SETX: variants seen among roughly 807,000 people sequenced by gnomAD.
SETX encodes helicase senataxin.
A neutral mutation model predicts 227.2 loss-of-function variants in SETX; 90 were observed. The observed-to-expected ratio is 0.40, with a 90% CI of 0.33 to 0.47. SETX has a LOEUF of 0.47. Among genes scored for constraint, SETX ranks in the 20% least tolerant of loss-of-function variants. SETX has a pLI of 0.91. For synonymous variants in SETX, 1,210 were observed against 1,113.2 expected, an observed-to-expected ratio of 1.09 and a Z score of -1.73; for missense variants, 3,052 against 3,181.5, an observed-to-expected ratio of 0.96 and a Z score of 0.98.
Position 132,275,320 on chromosome 9 carries a change from T to C in SETX, c.7036A>G (p.Thr2346Ala). Reference sequence around the variant, plus strand: ...ATCGTCTTCTGGGCCTTGTAATGAGTTATTATGCCAATGTTTCGAAAACTA... The same window carrying C: ...ATCGTCTTCTGGGCCTTGTAATGAGCTATTATGCCAATGTTTCGAAAACTA... ...DVSFRNIGII[T>A]HYKAQKTMIQ... Residue 2346 changes from threonine to alanine, a missense_variant, in exon 23 of 26, where the codon ACT becomes GCT. This residue lies in a region of SETX where 412 missense variants were observed against 589.0 expected (regional missense o/e 0.70). Transcript: ENST00000224140. 6.2e-7 allele frequency: 1 copy of C among 1,614,054 alleles called. No homozygotes were observed. Among genetic ancestry groups the C allele is most frequent in the Non-Finnish European group, 8.5e-7 (1 of 1,179,930 alleles).
intron 4 of SETX, among the ~76,000 whole-genome samples, chr9:132,343,277 C>A (rs1848101344): frequency 6.6e-6 from 1 of 152,130 alleles, no homozygotes; most frequent in Non-Finnish European, 1.5e-5. Flanking sequence ...TGAGATCATG[C>A]CATTACACTC....
chr9:132,339,195 T>C (rs1847821498), intron 5 of SETX, among the ~76,000 whole-genome samples: 1 of 152,164 alleles, frequency 6.6e-6, no homozygotes, highest in African/African-American at 2.4e-5. Context: ...TATAAAACCC[T>C]TCCTCAGGCC....
chr9:132,274,730 G>A (rs117223324), intron 23 of SETX, among the ~76,000 whole-genome samples: 10,983 of 152,038 alleles, frequency 0.072, 778 homozygotes, highest in East Asian at 0.38. Flanking sequence ...ACAGGTGTGA[G>A]CCACCACACC....
At chr9:132,265,773 T>C (rs993287057) in intron 25 of SETX, among the ~76,000 whole-genome samples, 1 of 152,186 alleles carries the variant, frequency 6.6e-6, no homozygotes, top group Non-Finnish European at 1.5e-5. Flanking sequence ...GAGTACTGCC[T>C]ACACCTCTTG....
chr9:132,264,343 C>T lies in SETX; in HGVS notation c.7930G>A (p.Glu2644Lys). ...TGATGGGTCTCGGAACCACACTTCT[C>T]CTGCTCCCCTTCACTGAAAGCCCTG... is the stretch of plus-strand genomic sequence containing the variant. ...EARAFSEGEQ[E>K]KCGSETHHTR... Residue 2644 changes from glutamate (E) to lysine (K), a missense_variant, in exon 26 of 26, where the codon GAG (glutamate) becomes AAG (lysine). Transcript: ENST00000224140. 6 of 1,614,170 alleles carry T rather than the reference C, an allele frequency of 3.7e-6. No homozygotes were observed. Among genetic ancestry groups the T allele is most frequent in the Non-Finnish European group, 5.1e-6 (6 of 1,180,016 alleles).
intron 15 of SETX, among the ~76,000 whole-genome samples, chr9:132,292,731 C>A (rs1331890007): frequency 2.0e-5 from 3 of 151,530 alleles, no homozygotes; most frequent in African/African-American, 2.4e-5. Context: ...CCGGGTTCAC[C>A]CCATTCTCCT....
intron 11 of SETX, among the ~76,000 whole-genome samples, chr9:132,306,828 C>T (rs1035889033): frequency 1.3e-5 from 2 of 152,064 alleles, no homozygotes; most frequent in Non-Finnish European, 2.9e-5. Context: ...GTGATCTTGC[C>T]TCAGCCTACC....
chr9:132,330,507 G>GA lies in SETX; in HGVS notation c.1099-9dup. ...TGTTCTCCATCCAGAATCCTAAAAT[G>GA]AAAGAAATGCTGATGTTCAGATAAA... On this transcript the variant is annotated splice_polypyrimidine_tract_variant and intron_variant, in intron 9 of 25. Transcript: ENST00000224140. 1 of 1,609,300 alleles carries GA rather than the reference G, an allele frequency of 6.2e-7. No homozygotes were observed. The highest frequency in any genetic ancestry group is 1.7e-5 in the Admixed American group (1 of 59,920).
At chr9:132,311,036 G>A (rs567513437) in intron 11 of SETX, among the ~76,000 whole-genome samples, 5 of 152,066 alleles carry the variant, frequency 3.3e-5, no homozygotes, top group South Asian at 2.1e-4. Context: ...GCGCTATTTC[G>A]GCTCACTGCA....
At chr9:132,351,162 C>T (rs1025652616) in intron 2 of SETX, among the ~76,000 whole-genome samples, 7 of 151,620 alleles carry the variant, frequency 4.6e-5, no homozygotes, top group South Asian at 2.1e-4. Flanking sequence ...GTTTTTTTTT[C>T]CGGTAACCTA....
Position 132,346,283 on chromosome 9 carries a change from G to C in SETX, c.366C>G (p.Tyr122Ter). ...CACTAACACGTTCATGTAGAAGCAA[G>C]TAAGGATATTTCAGTATTTCAAGAA... Reference protein sequence around the residue: ...VPLLEILKYPYLLLHERVNEL... With the variant: ...VPLLEILKYP The change falls in exon 4 of 26, where the codon TAC (tyrosine) becomes TAG (stop). Residue 122 changes from tyrosine (Y) to a stop codon, truncating the protein, a stop_gained. Coordinates refer to ENST00000224140, the MANE Select transcript of SETX (RefSeq NM_015046.7). LOFTEE classifies it high-confidence loss of function. 1 of 1,613,764 alleles carries C rather than the reference G, an allele frequency of 6.2e-7. No individual in the cohort carries two copies. Among genetic ancestry groups the C allele is most frequent in the Non-Finnish European group, 8.5e-7 (1 of 1,179,734 alleles).
At chr9:132,350,555 A>T (rs1848548140) in intron 2 of SETX, among the ~76,000 whole-genome samples, 2 of 152,192 alleles carry the variant, frequency 1.3e-5, no homozygotes, top group African/African-American at 4.8e-5. Flanking sequence ...AAATAAAGTG[A>T]TTTTTTAAAA....
chr9:132,270,165 G>A (rs1488832736), intron 24 of SETX, among the ~76,000 whole-genome samples: 2 of 143,738 alleles, frequency 1.4e-5, no homozygotes, highest in Non-Finnish European at 1.5e-5. Context: ...ATCCTCATGT[G>A]AGACACAGGT....
In SETX at chr9:132,281,719, C is replaced by A. The variant is rs1193436711; in HGVS notation, c.6547-145G>T. 17 of 703,662 alleles carry A rather than the reference C, an allele frequency of 2.4e-5. No homozygotes were observed. The highest frequency in any genetic ancestry group is 3.5e-5 in the Non-Finnish European group (14 of 397,032). 43.6% of individuals were successfully genotyped at this position (703,662 alleles called of 1,614,324 possible). On this transcript the variant is annotated intron_variant, in intron 19 of 25. Transcript: ENST00000224140. ...CAAAAATACAAATTTTCCCTGAAAA[C>A]AAAAAAACAAAACAAAACCAACAAA...
chr9:132,321,682 A>G (rs1421743763), intron 10 of SETX, among the ~76,000 whole-genome samples: 1 of 149,678 alleles, frequency 6.7e-6, no homozygotes, highest in Non-Finnish European at 1.5e-5. Context: ...AACTACAAAA[A>G]AAAAAACCCA....
At chr9:132,278,281 C>A in intron 20 of SETX, 24 bp from the exon 21 acceptor site, 2 of 1,611,584 alleles carry the variant, frequency 1.2e-6, no homozygotes, top group Non-Finnish European at 1.7e-6. Flanking sequence ...AATAAAGCAA[C>A]AGTTTCCAAG....
At chr9:132,283,142 G>A in intron 19 of SETX, 122 bp downstream of exon 19, 1 of 1,208,650 alleles carries the variant, frequency 8.3e-7, no homozygotes, top group Admixed American at 2.0e-5. Flanking sequence ...ACAGGTAATA[G>A]CAAGTGAAAA....
intron 22 of SETX, among the ~76,000 whole-genome samples, chr9:132,276,453 T>C (rs1843165832): frequency 6.6e-6 from 1 of 152,232 alleles, no homozygotes; most frequent in Non-Finnish European, 1.5e-5. Context: ...CATCCCATGA[T>C]GTAGAAGTGG....
chr9:132,265,616 T>G (rs1842610953), intron 25 of SETX, among the ~76,000 whole-genome samples: 1 of 152,188 alleles, frequency 6.6e-6, no homozygotes, highest in Non-Finnish European at 1.5e-5. Flanking sequence ...TTTCAATAAA[T>G]TAAAATAAAA....
Sources: gnomAD v4.1 joint callset for allele counts (sites outside exome capture counted in the v4.1 genomes callset) on GRCh38, gnomAD v4.1.1 for gene constraint, gnomAD v4.1.1 regional missense constraint, MANE v1.5 for transcripts, NCBI Gene and HGNC (gene_info 2026-07-23, HGNC 2026-07-21) for gene names.